Variants in GRIN2B observed in about 807,000 individuals in gnomAD.
The protein encoded by GRIN2B is glutamate receptor ionotropic, NMDA 2B.
A neutral mutation model predicts 114.5 loss-of-function variants in GRIN2B; 5 were observed. The observed-to-expected ratio is 0.04, with a 90% CI of 0.02 to 0.09. GRIN2B has a LOEUF of 0.09. Among genes scored for constraint, GRIN2B ranks in the 10% least tolerant of loss-of-function variants. GRIN2B has a pLI of 1.00. For synonymous variants in GRIN2B, 787 were observed against 745.1 expected, an observed-to-expected ratio of 1.06 and a Z score of -0.92; for missense variants, 1,108 against 1,943.5, an observed-to-expected ratio of 0.57 and a Z score of 8.08.
At chr12:13,801,075 C>T (rs192859269) in intron 3 of GRIN2B, among the ~76,000 whole-genome samples, 1 of 152,252 alleles carries the variant, frequency 6.6e-6, no homozygotes, top group East Asian at 1.9e-4. Flanking sequence ...CTGTCTGTCC[C>T]TACTGCAGGA....
At chr12:13,886,918 C>G (rs963078853) in intron 2 of GRIN2B, among the ~76,000 whole-genome samples, 1 of 152,198 alleles carries the variant, frequency 6.6e-6, no homozygotes, top group South Asian at 2.1e-4. Context: ...AATCTTCACA[C>G]AACCCTATGG....
intron 3 of GRIN2B, among the ~76,000 whole-genome samples, chr12:13,832,325 A>T (rs1223103340): frequency 6.6e-6 from 1 of 152,210 alleles, no homozygotes; most frequent in Non-Finnish European, 1.5e-5. Context: ...AAATGCTCAC[A>T]TCTTCATAGT....
intron 3 of GRIN2B, among the ~76,000 whole-genome samples, chr12:13,783,071 T>C (rs1445929654): frequency 6.6e-6 from 1 of 152,210 alleles, no homozygotes; most frequent in Non-Finnish European, 1.5e-5. Flanking sequence ...TAAAAAACTA[T>C]AATTTATACA....
intron 3 of GRIN2B, among the ~76,000 whole-genome samples, chr12:13,855,049 G>GAAAAAAAAAAAAAAAAAAAA (rs3082840): frequency 1.1e-5 from 1 of 88,028 alleles, no homozygotes; most frequent in Non-Finnish European, 2.2e-5. Flanking sequence ...CATCTCTACT[G>GAAAAAAAAAAAAAAAAAAAA]AAAAAAAAAA....
At chr12:13,661,861 C>T (rs1949926896) in intron 5 of GRIN2B, among the ~76,000 whole-genome samples, 3 of 152,166 alleles carry the variant, frequency 2.0e-5, no homozygotes, top group African/African-American at 7.2e-5. Flanking sequence ...CCAATTTAAT[C>T]TTTAAATATA....
chr12:13,882,075 A>G (rs1420410428), intron 2 of GRIN2B, among the ~76,000 whole-genome samples: 2 of 152,204 alleles, frequency 1.3e-5, no homozygotes, highest in African/African-American at 2.4e-5. Context: ...CGCAGAGTCA[A>G]TATGAGTCTT....
intron 3 of GRIN2B, among the ~76,000 whole-genome samples, chr12:13,792,492 G>C (rs1450960566): frequency 2.6e-5 from 4 of 152,210 alleles, no homozygotes; most frequent in Non-Finnish European, 5.9e-5. Flanking sequence ...ACCTTTAGGA[G>C]ATATTGTGAC....
intron 4 of GRIN2B, among the ~76,000 whole-genome samples, chr12:13,728,257 T>C (rs1273786300): frequency 6.6e-6 from 1 of 152,186 alleles, no homozygotes; most frequent in East Asian, 1.9e-4. Flanking sequence ...CTCCCAGGGT[T>C]GTGGTTGGGT....
chr12:13,966,277 T>C lies in GRIN2B; in HGVS notation c.-19+13651A>G, dbSNP rs564607825. 2.0e-5 allele frequency among the ~76,000 whole-genome samples: 3 copies of C among 152,342 alleles called. No individual in the cohort carries two copies. The South Asian group carries it at 6.2e-4, about 32-fold the overall frequency. On this transcript the variant is annotated intron_variant, in intron 2 of 13. Coordinates refer to ENST00000609686, the MANE Select transcript of GRIN2B (RefSeq NM_000834.5). The stretch of plus-strand genomic sequence containing the variant: ...AAGCTATTGACACACTATCAAGCTT[T>C]AGAAATGTAAGTGATCAATATTATT...
At chr12:13,693,199 T>C (rs1950230162) in intron 4 of GRIN2B, among the ~76,000 whole-genome samples, 1 of 152,184 alleles carries the variant, frequency 6.6e-6, no homozygotes, top group South Asian at 2.1e-4. Flanking sequence ...CTTAAGTCTT[T>C]ATACCAATTA....
At chr12:13,692,265 T>G (rs968961270) in intron 4 of GRIN2B, among the ~76,000 whole-genome samples, 4 of 152,064 alleles carry the variant, frequency 2.6e-5, no homozygotes, top group African/African-American at 9.7e-5. Context: ...GGTACCAAGT[T>G]CATACGTTAG....
intron 10 of GRIN2B, 67 bp downstream of exon 10, chr12:13,608,536 G>C: frequency 1.7e-6 from 2 of 1,172,988 alleles, no homozygotes; most frequent in Non-Finnish European, 2.5e-6. Flanking sequence ...GCAGGTACAT[G>C]AGAACTTTGA....
chr12:13,895,326 G>T (rs1866335132), intron 2 of GRIN2B, among the ~76,000 whole-genome samples: 1 of 152,136 alleles, frequency 6.6e-6, no homozygotes, highest in Non-Finnish European at 1.5e-5. Context: ...TAAAGTTGCA[G>T]TAACATCCAA....
chr12:13,800,532 T>C (rs1864490175), intron 3 of GRIN2B, among the ~76,000 whole-genome samples: 1 of 152,234 alleles, frequency 6.6e-6, no homozygotes, highest in Non-Finnish European at 1.5e-5. Context: ...AATTTGGTTA[T>C]TAACCACGGT....
At chr12:13,799,089 C>G (rs760359717) in intron 3 of GRIN2B, among the ~76,000 whole-genome samples, 3 of 152,188 alleles carry the variant, frequency 2.0e-5, no homozygotes, top group Non-Finnish European at 2.9e-5. Context: ...TTTCACTGCT[C>G]TGGGTCAGAG....
Position 13,571,911 on chromosome 12 carries a change from G to A in GRIN2B, c.2064C>T (p.Asn688=), listed in dbSNP as rs748606750. 17 of 1,614,020 alleles carry A rather than the reference G, an allele frequency of 1.1e-5. No homozygotes were observed. The highest frequency in any genetic ancestry group is 2.7e-5 in the African/African-American group (2 of 74,932). ...SPPFRFGTVP[N]GSTERNIRNN... is the part of the protein sequence containing the mutation. ...TGCGAATATTTCTCTCTGTGCTGCCGTTGGGCACGGTCCCAAAGCGGAAAG... is the reference window on the plus strand; with the variant it reads ...TGCGAATATTTCTCTCTGTGCTGCCATTGGGCACGGTCCCAAAGCGGAAAG... Residue 688 remains asparagine (N), a synonymous_variant, in exon 11 of 14, where the codon AAC becomes AAT. Transcript: ENST00000609686.
At chr12:13,590,611 G>C (rs1456885671) in intron 10 of GRIN2B, among the ~76,000 whole-genome samples, 2 of 152,180 alleles carry the variant, frequency 1.3e-5, no homozygotes, top group Non-Finnish European at 2.9e-5. Flanking sequence ...GTATTCCATG[G>C]TGTGTAAGTG....
intron 2 of GRIN2B, among the ~76,000 whole-genome samples, chr12:13,937,400 T>C (rs1049834107): frequency 6.6e-6 from 1 of 151,550 alleles, no homozygotes; most frequent in Non-Finnish European, 1.5e-5. Context: ...ATCTTGAAAG[T>C]AGCCAGTAAG....
chr12:13,852,017 G>T (rs997501054), intron 3 of GRIN2B, among the ~76,000 whole-genome samples: 1 of 152,186 alleles, frequency 6.6e-6, no homozygotes, highest in Non-Finnish European at 1.5e-5. Flanking sequence ...CCCTAGCAAC[G>T]TGATGCTGAA....
Sources: allele counts gnomAD v4.1 joint callset (sites outside exome capture counted in the v4.1 genomes callset), GRCh38; gene constraint gnomAD v4.1.1; transcripts MANE v1.5; gene names NCBI Gene and HGNC (gene_info 2026-07-23, HGNC 2026-07-21).